Variants in CSMD1 observed in about 807,000 individuals in gnomAD.
CSMD1 encodes the protein CUB and Sushi multiple domains 1, also known as CUB and sushi domain-containing protein 1.
Under a neutral mutation model 417.5 loss-of-function variants are expected in CSMD1, and 213 were observed. The observed-to-expected ratio is 0.51, with a 90% confidence interval of 0.46 to 0.57. CSMD1 has a LOEUF of 0.57. Ranked by LOEUF, CSMD1 falls within the 20% of genes least tolerant of loss-of-function variation. CSMD1 has a pLI of 0.00. For synonymous variants in CSMD1, 2,862 were observed against 1,736.8 expected (o/e 1.65, Z -16.11); for missense variants, 6,923 against 4,529.7 (o/e 1.53, Z -15.17).
intron 5 of CSMD1, among the ~76,000 whole-genome samples, chr8:3,954,096 T>C (rs747625448): frequency 6.6e-6 from 1 of 151,822 alleles, no homozygotes; most frequent in Non-Finnish European, 1.5e-5. Flanking sequence ...TGCAGGGGCC[T>C]AGGAACGTGG....
At chr8:4,429,929 C>T (rs1007075297) in intron 2 of CSMD1, among the ~76,000 whole-genome samples, 4 of 152,064 alleles carry the variant, frequency 2.6e-5, no homozygotes, top group African/African-American at 9.7e-5. Flanking sequence ...AGTGGTCACC[C>T]ATCAGGGAAT....
At chr8:4,736,677 A>C (rs868616321) in intron 1 of CSMD1, among the ~76,000 whole-genome samples, 3 of 152,348 alleles carry the variant, frequency 2.0e-5, no homozygotes, top group South Asian at 2.1e-4. Context: ...ACTTTTGAGA[A>C]GATAAATCGC....
intron 54 of CSMD1, among the ~76,000 whole-genome samples, chr8:2,990,061 TC>T (rs1266400734): frequency 1.3e-5 from 2 of 152,164 alleles, no homozygotes; most frequent in Non-Finnish European, 2.9e-5. Context: ...AATTATGCTG[TC>T]CCCCTGTGTG....
chr8:4,011,282 T>C (rs576196875), intron 4 of CSMD1, among the ~76,000 whole-genome samples: 1 of 152,220 alleles, frequency 6.6e-6, no homozygotes, highest in South Asian at 2.1e-4. Context: ...AACGACTATT[T>C]GTGTTTTTAG....
intron 5 of CSMD1, among the ~76,000 whole-genome samples, chr8:3,901,533 C>T (rs1163236012): frequency 6.6e-6 from 1 of 152,208 alleles, no homozygotes; most frequent in Non-Finnish European, 1.5e-5. Flanking sequence ...AACATGTACA[C>T]CAACCTGCCG....
At chr8:3,498,900 C>T (rs1796476320) in intron 10 of CSMD1, among the ~76,000 whole-genome samples, 1 of 151,954 alleles carries the variant, frequency 6.6e-6, no homozygotes, top group Non-Finnish European at 1.5e-5. Context: ...GAATTGTTTT[C>T]CTACTTTTTG....
chr8:3,970,972 A>C (rs1813044166), intron 5 of CSMD1, among the ~76,000 whole-genome samples: 1 of 152,058 alleles, frequency 6.6e-6, no homozygotes, highest in African/African-American at 2.4e-5. Flanking sequence ...GCTGGTCTCG[A>C]AGTCCTGACC....
At chr8:3,836,731 G>C (rs1236928472) in intron 5 of CSMD1, among the ~76,000 whole-genome samples, 1 of 152,054 alleles carries the variant, frequency 6.6e-6, no homozygotes, top group East Asian at 1.9e-4. Flanking sequence ...AGAGTTTCAA[G>C]AGACAATGAA....
At chr8:4,087,582 T>C (rs1800485174) in intron 3 of CSMD1, among the ~76,000 whole-genome samples, 1 of 152,110 alleles carries the variant, frequency 6.6e-6, no homozygotes, top group African/African-American at 2.4e-5. Context: ...TTGATTTCAT[T>C]ATCTGTCTAA....
At chr8:3,879,561 T>A (rs550937905) in intron 5 of CSMD1, among the ~76,000 whole-genome samples, 1 of 152,312 alleles carries the variant, frequency 6.6e-6, no homozygotes, top group East Asian at 1.9e-4. Flanking sequence ...TCATTCTCTA[T>A]TGATATTACC....
chr8:3,963,945 GA>G (rs1163003317), intron 5 of CSMD1, among the ~76,000 whole-genome samples: 2 of 152,108 alleles, frequency 1.3e-5, no homozygotes, highest in Non-Finnish European at 1.5e-5. Context: ...AGAAAAAGAA[GA>G]AAAAGTTCGT....
intron 1 of CSMD1, among the ~76,000 whole-genome samples, chr8:4,754,473 A>T (rs555840301): frequency 6.6e-6 from 1 of 152,064 alleles, no homozygotes; most frequent in Non-Finnish European, 1.5e-5. Flanking sequence ...TGTGTCATGC[A>T]TGCAATTTTT....
intron 3 of CSMD1, among the ~76,000 whole-genome samples, chr8:4,309,207 C>T (rs60511122): frequency 0.025 from 3,830 of 152,092 alleles, 172 homozygotes; most frequent in African/African-American, 0.088. Flanking sequence ...TTCCTAGGGT[C>T]AGTTTGATAT....
chr8:4,936,330 G>GA (rs1372848666), intron 1 of CSMD1, among the ~76,000 whole-genome samples: 5 of 152,136 alleles, frequency 3.3e-5, no homozygotes, highest in Non-Finnish European at 7.4e-5. Flanking sequence ...ACAGGGACAG[G>GA]AAAAAACTGA....
rs567083099 is a variant in CSMD1, at chr8:3,046,517, C to T, written c.7660+5945G>A. Among the ~76,000 whole-genome samples, 6 of 152,250 alleles carry T rather than the reference C, an allele frequency of 3.9e-5. No homozygotes were observed. In the East Asian group the frequency reaches 1.2e-3, roughly 30 times the overall value. ...CGCTCAAATCATGTCTCCTGATCCT[C>T]GCCCCCACGGATCATGAAACCAGGT... On this transcript the variant is annotated intron_variant, in intron 50 of 69. Coordinates refer to ENST00000635120, the MANE Select transcript of CSMD1 (RefSeq NM_033225.6).
At chr8:4,358,249 T>G (rs1335409787) in intron 3 of CSMD1, among the ~76,000 whole-genome samples, 1 of 152,212 alleles carries the variant, frequency 6.6e-6, no homozygotes, top group Non-Finnish European at 1.5e-5. Flanking sequence ...TGGGGCTTGT[T>G]GAACTTTTGC....
Position 4,716,472 on chromosome 8 carries a change from A to G in CSMD1, c.86-78914T>C, listed in dbSNP as rs562274872. ...AAAACAGAATTTTTCAGTTATTAAT[A>G]GAAGGTTTTTAAAGTATTCATAATA... is the stretch of plus-strand genomic sequence containing the variant. On this transcript the variant is annotated intron_variant, in intron 1 of 69. Transcript: ENST00000635120. Among the ~76,000 whole-genome samples the G allele has an allele frequency of 2.1e-4, 32 of 152,340 alleles. No homozygotes were observed. The South Asian group carries it at 6.0e-3, about 29-fold the overall frequency.
chr8:3,309,254 C>T (rs994001634), intron 23 of CSMD1, among the ~76,000 whole-genome samples: 19 of 152,220 alleles, frequency 1.2e-4, no homozygotes, highest in African/African-American at 4.3e-4. Context: ...TTATTCCAGC[C>T]CATTGTCAAG....
At chr8:3,667,176 T>A (rs759114632) in intron 7 of CSMD1, among the ~76,000 whole-genome samples, 5 of 152,254 alleles carry the variant, frequency 3.3e-5, no homozygotes, top group Middle Eastern at 3.4e-3. Context: ...CACATTCTAA[T>A]GATAAGACAA....
Sources: allele counts gnomAD v4.1 joint callset (sites outside exome capture counted in the v4.1 genomes callset), GRCh38; gene constraint gnomAD v4.1.1; transcripts MANE v1.5; gene names NCBI Gene and HGNC (gene_info 2026-07-23, HGNC 2026-07-21).